The following PPARG variants were observed in gnomAD, a reference collection of about 807,000 sequenced individuals.
The protein encoded by PPARG is peroxisome proliferator-activated receptor gamma.
PPARG carries 17 observed loss-of-function variants against 39.2 expected under a neutral mutation model. The ratio of observed to expected loss-of-function variants is 0.43; its 90% CI spans 0.30 to 0.65. The LOEUF is 0.65. Among genes scored for constraint, PPARG ranks in the 30% least tolerant of loss-of-function variants. The probability of loss-of-function intolerance (pLI) is 0.13; values close to 1 mark genes in which losing one functional copy is unlikely to be tolerated. For missense variants in PPARG, 406 were observed against 585.9 expected, an observed-to-expected ratio of 0.69 and a Z score of 3.17; for synonymous variants, 223 against 215.7, an observed-to-expected ratio of 1.03 and a Z score of -0.30.
intron 2 of PPARG, among the ~76,000 whole-genome samples, chr3:12,346,741 C>T (rs9858703): frequency 0.013 from 1,972 of 151,926 alleles, 40 homozygotes; most frequent in African/African-American, 0.046. Flanking sequence ...CTCAAGCATC[C>T]CTCCTGCCTC....
Position 12,379,910 on chromosome 3 carries a change from C to A in PPARG, c.199C>A (p.Leu67Met). The A allele has an allele frequency of 6.2e-7, 1 of 1,609,076 alleles. No homozygotes were observed. Among genetic ancestry groups the A allele is most frequent in the Non-Finnish European group, 8.5e-7 (1 of 1,175,508 alleles). The change falls in exon 3 of 8, where the codon CTG (leucine) becomes ATG (methionine). Residue 67 changes from leucine to methionine, a missense_variant. Coordinates refer to ENST00000651735, the MANE Select transcript of PPARG (RefSeq NM_138711.6). ...DPVVADYKYD[L>M]KLQEYQSAIK... ...AGTGGTTGCAGATTACAAGTATGAC[C>A]TGAAACTTCAAGAGTACCAAAGTAT...
At chr3:12,359,674 C>CTTTTTTT (rs71628752) in intron 2 of PPARG, among the ~76,000 whole-genome samples, 2,375 of 129,650 alleles carry the variant, frequency 0.018, 114 homozygotes, top group African/African-American at 0.059. Flanking sequence ...TCTTTTATTT[C>CTTTTTTT]TTTTTTTTTT....
chr3:12,380,047 C>G, intron 3 of PPARG, 116 bp downstream of exon 3: 6 of 936,422 alleles, frequency 6.4e-6, no homozygotes, highest in Non-Finnish European at 1.0e-5. Flanking sequence ...AAGGCATTCA[C>G]CATTCATTTA....
chr3:12,303,553 A>G lies in PPARG; in HGVS notation c.-82-8827A>G, dbSNP rs951401589. Among the ~76,000 whole-genome samples, 101 of 152,142 alleles carry G rather than the reference A, an allele frequency of 6.6e-4. 1 individual carries two copies. Among genetic ancestry groups the G allele is most frequent in the Non-Finnish European group, 4.3e-4 (29 of 68,018 alleles). On this transcript the variant is annotated intron_variant, in intron 1 of 7. Transcript: ENST00000651735. ...CAGTGTTCCACCCCTTGTGCTAGACACTGGGACCAGAGCAGTAGGCAAGAT... is the reference window on the plus strand; with the variant it reads ...CAGTGTTCCACCCCTTGTGCTAGACGCTGGGACCAGAGCAGTAGGCAAGAT...
rs191326495 is a variant in PPARG, at chr3:12,305,005, T to C, written c.-82-7375T>C. On this transcript the variant is annotated intron_variant, in intron 1 of 7. Transcript: ENST00000651735. ...TTGGAATGTCTGAGCCTTTCTTGTCTTCTATCTTCTTTCCTTCCTTTCTTC... is the reference window on the plus strand; with the variant it reads ...TTGGAATGTCTGAGCCTTTCTTGTCCTCTATCTTCTTTCCTTCCTTTCTTC... 1.3e-4 allele frequency among the ~76,000 whole-genome samples: 20 copies of C among 152,254 alleles called. No individual in the cohort carries two copies. In the East Asian group the frequency reaches 3.9e-3, roughly 29 times the overall value.
intron 2 of PPARG, among the ~76,000 whole-genome samples, chr3:12,344,532 A>G (rs550618743): frequency 3.9e-5 from 6 of 152,384 alleles, no homozygotes; most frequent in Admixed American, 2.0e-4. Flanking sequence ...TTTCACAGTT[A>G]CATTTTATTT....
intron 1 of PPARG, among the ~76,000 whole-genome samples, chr3:12,308,777 T>C (rs990889498): frequency 1.3e-5 from 2 of 152,070 alleles, no homozygotes; most frequent in Admixed American, 1.3e-4. Flanking sequence ...CAGTTAAATA[T>C]TTACCAGCAT....
At chr3:12,410,316 G>C (rs1412065739) in intron 6 of PPARG, among the ~76,000 whole-genome samples, 1 of 152,216 alleles carries the variant, frequency 6.6e-6, no homozygotes, top group East Asian at 1.9e-4. Context: ...ATGGACTTTG[G>C]AAGTGCCCAG....
intron 2 of PPARG, among the ~76,000 whole-genome samples, chr3:12,336,092 C>A (rs2048004426): frequency 6.6e-6 from 1 of 152,120 alleles, no homozygotes; most frequent in Admixed American, 6.6e-5. Flanking sequence ...ATCTCTTTAT[C>A]TCAGAGACAT....
At chr3:12,336,871 GCTT>G (rs2048026700) in intron 2 of PPARG, among the ~76,000 whole-genome samples, 1 of 152,162 alleles carries the variant, frequency 6.6e-6, no homozygotes, top group South Asian at 2.1e-4. Flanking sequence ...AGGGGGCTGA[GCTT>G]CTTGTGGACA....
intron 1 of PPARG, among the ~76,000 whole-genome samples, chr3:12,295,237 C>T (rs2046749481): frequency 6.6e-6 from 1 of 152,124 alleles, no homozygotes; most frequent in Non-Finnish European, 1.5e-5. Flanking sequence ...TCTAGAAAAG[C>T]ACCTATATAA....
intron 2 of PPARG, among the ~76,000 whole-genome samples, chr3:12,335,897 G>A (rs954098574): frequency 2.0e-5 from 3 of 151,718 alleles, no homozygotes; most frequent in African/African-American, 7.3e-5. Flanking sequence ...GACCAAAGAC[G>A]TCGTGACACC....
chr3:12,319,652 G>A (rs906809086), intron 2 of PPARG, among the ~76,000 whole-genome samples: 1 of 151,482 alleles, frequency 6.6e-6, no homozygotes, highest in African/African-American at 2.4e-5. Context: ...TTACTATAGA[G>A]ATATTTAATA....
intron 7 of PPARG, among the ~76,000 whole-genome samples, chr3:12,424,049 T>C (rs1271067768): frequency 1.3e-5 from 2 of 152,218 alleles, no homozygotes; most frequent in Admixed American, 1.3e-4. Flanking sequence ...AGCTAGTTGG[T>C]AAAATGGCTT....
At chr3:12,306,826 G>A (rs1333358237) in intron 1 of PPARG, among the ~76,000 whole-genome samples, 1 of 152,084 alleles carries the variant, frequency 6.6e-6, no homozygotes, top group Non-Finnish European at 1.5e-5. Context: ...GCCGGGCGCG[G>A]TGGCTCACGC....
At chr3:12,411,516 A>G (rs913690102) in intron 6 of PPARG, among the ~76,000 whole-genome samples, 5 of 152,214 alleles carry the variant, frequency 3.3e-5, no homozygotes, top group Non-Finnish European at 7.3e-5. Context: ...TAAAATCTCC[A>G]GTTCATCCTA....
chr3:12,367,691 AAAAAAT>A (rs1559510220), intron 2 of PPARG, among the ~76,000 whole-genome samples: 1 of 150,412 alleles, frequency 6.6e-6, no homozygotes, highest in African/African-American at 2.5e-5. Context: ...TCTACAAAAA[AAAAAAT>A]AAAAATAAAA....
chr3:12,327,868 G>A, intron 2 of PPARG: 1 of 490,222 alleles, frequency 2.0e-6, no homozygotes, highest in Non-Finnish European at 3.6e-6. Flanking sequence ...AACAAAGCAA[G>A]CAAACTGAAC....
Position 12,294,857 on chromosome 3 carries a change from C to T in PPARG, c.-83+5723C>T, listed in dbSNP as rs552378999. Among the ~76,000 whole-genome samples the T allele has an allele frequency of 9.2e-5, 14 of 152,310 alleles. No individual in the cohort carries two copies. The South Asian group carries it at 2.5e-3, about 27-fold the overall frequency. ...GCAGTGAGCCGAGATCACGCTATTG[C>T]ACTCCAGCCTGGGCAACAAGAGTGA... On this transcript the variant is annotated intron_variant, in intron 1 of 7. Coordinates refer to ENST00000651735, the MANE Select transcript of PPARG (RefSeq NM_138711.6).
Sources: allele counts gnomAD v4.1 joint callset (sites outside exome capture counted in the v4.1 genomes callset), GRCh38; gene constraint gnomAD v4.1.1; transcripts MANE v1.5; gene names NCBI Gene and HGNC (gene_info 2026-07-23, HGNC 2026-07-21).